Variants in ENPP6 observed in about 807,000 individuals in gnomAD.
ENPP6 encodes the protein glycerophosphocholine cholinephosphodiesterase ENPP6.
ENPP6 carries 32 observed loss-of-function variants against 42.0 expected under a neutral mutation model. That is an observed-to-expected ratio of 0.76 (90% CI 0.58 to 1.02). ENPP6 has a LOEUF of 1.02. Ranked by LOEUF, ENPP6 falls within the 50% of genes least tolerant of loss-of-function variation. ENPP6 has a pLI of 0.00. For missense variants in ENPP6, 552 were observed against 566.8 expected, an observed-to-expected ratio of 0.97 and a Z score of 0.27; for synonymous variants, 213 against 216.0, an observed-to-expected ratio of 0.99 and a Z score of 0.12.
chr4:184,100,403 T>C (rs1190695475), intron 6 of ENPP6, among the ~76,000 whole-genome samples: 6 of 152,238 alleles, frequency 3.9e-5, no homozygotes, highest in Admixed American at 2.6e-4. Flanking sequence ...TGTCCATCTG[T>C]GGATCCGCAA....
At chr4:184,152,177 C>T (rs761299720) in intron 2 of ENPP6, among the ~76,000 whole-genome samples, 11 of 152,164 alleles carry the variant, frequency 7.2e-5, no homozygotes, top group Admixed American at 2.6e-4. Context: ...GTACGGTGCG[C>T]GCCACGCCGC....
intron 1 of ENPP6, among the ~76,000 whole-genome samples, chr4:184,200,844 G>T (rs945442387): frequency 1.3e-5 from 2 of 152,226 alleles, no homozygotes; most frequent in African/African-American, 4.8e-5. Flanking sequence ...AGCCTGGGTT[G>T]TTCTGCTGCA....
intron 5 of ENPP6, among the ~76,000 whole-genome samples, chr4:184,114,376 A>C (rs973293695): frequency 1.3e-5 from 2 of 152,366 alleles, no homozygotes; most frequent in Non-Finnish European, 2.9e-5. Context: ...ATTTCTGGGC[A>C]TCACTGAATA....
rs1413473383 is a variant in ENPP6, at chr4:184,093,976, A to C, written c.1118-2594T>G. Among the ~76,000 whole-genome samples the C allele has an allele frequency of 2.0e-5, 3 of 152,214 alleles. No individual in the cohort carries two copies. In the East Asian group the frequency reaches 5.8e-4, roughly 30 times the overall value. ...ACCAGAGTAAGCCCAGGTGTCCCACAGGCTTTCAAATATCCATTTGTGGCT... is the reference window on the plus strand; with the variant it reads ...ACCAGAGTAAGCCCAGGTGTCCCACCGGCTTTCAAATATCCATTTGTGGCT... On this transcript the variant is annotated intron_variant, in intron 7 of 7. Coordinates refer to ENST00000296741, the MANE Select transcript of ENPP6 (RefSeq NM_153343.4).
At chr4:184,207,545 G>T (rs192497517) in intron 1 of ENPP6, among the ~76,000 whole-genome samples, 2 of 152,114 alleles carry the variant, frequency 1.3e-5, no homozygotes, top group Non-Finnish European at 2.9e-5. Flanking sequence ...CATTTAAACT[G>T]TGGTTGTGTT....
At chr4:184,215,349 A>C (rs1733180168) in intron 1 of ENPP6, among the ~76,000 whole-genome samples, 1 of 152,236 alleles carries the variant, frequency 6.6e-6, no homozygotes, top group African/African-American at 2.4e-5. Flanking sequence ...TCAAATGCTC[A>C]AACCATATGT....
chr4:184,215,640 A>G (rs1299023350), intron 1 of ENPP6, among the ~76,000 whole-genome samples: 1 of 152,194 alleles, frequency 6.6e-6, no homozygotes, highest in African/African-American at 2.4e-5. Context: ...TCCCTTGTGC[A>G]GGGTAGCTTC....
At chr4:184,136,221 A>G (rs1275086867) in intron 2 of ENPP6, among the ~76,000 whole-genome samples, 1 of 151,330 alleles carries the variant, frequency 6.6e-6, no homozygotes, top group Non-Finnish European at 1.5e-5. Flanking sequence ...TTATATAAAT[A>G]TAAAATTTAT....
chr4:184,142,446 G>A (rs1179014733), intron 2 of ENPP6, among the ~76,000 whole-genome samples: 1 of 152,228 alleles, frequency 6.6e-6, no homozygotes, highest in Non-Finnish European at 1.5e-5. Context: ...AGTCCTTGGG[G>A]GAAAGCATGG....
At chr4:184,116,761 A>C (rs1202016961) in intron 5 of ENPP6, 95 bp downstream of exon 5, 4 of 1,505,218 alleles carry the variant, frequency 2.7e-6, no homozygotes, top group East Asian at 2.3e-5. Flanking sequence ...CACACACACA[A>C]AACAAAACAA....
chr4:184,163,957 C>T (rs1737307458), intron 1 of ENPP6, among the ~76,000 whole-genome samples: 1 of 152,216 alleles, frequency 6.6e-6, no homozygotes, highest in African/African-American at 2.4e-5. Context: ...AGGCAGCATT[C>T]AATGGAGCGC....
intron 3 of ENPP6, among the ~76,000 whole-genome samples, chr4:184,118,841 T>C (rs1736367967): frequency 6.6e-6 from 1 of 152,136 alleles, no homozygotes; most frequent in Non-Finnish European, 1.5e-5. Flanking sequence ...CCAGGAACCA[T>C]TCTAGAAGGA....
At chr4:184,111,065 A>G (rs1736188998) in intron 6 of ENPP6, among the ~76,000 whole-genome samples, 1 of 152,140 alleles carries the variant, frequency 6.6e-6, no homozygotes, top group Non-Finnish European at 1.5e-5. Flanking sequence ...CTCATTAGTC[A>G]TCCAGCATCT....
intron 2 of ENPP6, among the ~76,000 whole-genome samples, chr4:184,143,533 C>G (rs548139959): frequency 5.3e-5 from 8 of 152,230 alleles, no homozygotes; most frequent in Non-Finnish European, 1.2e-4. Context: ...AGACATGACA[C>G]GATCAGGCTC....
At position 184,217,643 on chromosome 4, in the gene ENPP6, T is replaced by G. The variant is rs749406192; in HGVS notation, c.177A>C (p.Lys59Asn). 1 of 1,614,114 alleles carries G rather than the reference T, an allele frequency of 6.2e-7. No homozygotes were observed. Among genetic ancestry groups the G allele is most frequent in the African/African-American group, 1.3e-5 (1 of 74,936 alleles). ...GFKEIVSRGV[K>N]VDYLTPDFPS... is the part of the protein sequence containing the mutation. ...GGAAGTCTGGAGTCAAGTAATCCAC[T>G]TTTACTCCCCTGCTCACAATCTCTT... is the stretch of plus-strand genomic sequence containing the variant. Residue 59 changes from lysine (K) to asparagine (N), a missense_variant, in exon 1 of 8, where the codon AAA becomes AAC. This residue lies in a region of ENPP6 where 545 missense variants were observed against 546.3 expected (regional missense o/e 1.00). Coordinates refer to ENST00000296741, the MANE Select transcript of ENPP6 (RefSeq NM_153343.4).
chr4:184,128,323 G>A (rs910596560), intron 2 of ENPP6, among the ~76,000 whole-genome samples: 2 of 152,106 alleles, frequency 1.3e-5, no homozygotes, highest in African/African-American at 2.4e-5. Flanking sequence ...TGGGATTACA[G>A]GCATATGCCA....
chr4:184,099,536 G>T (rs1267894287), intron 6 of ENPP6, among the ~76,000 whole-genome samples: 1 of 152,214 alleles, frequency 6.6e-6, no homozygotes, highest in Non-Finnish European at 1.5e-5. Flanking sequence ...GGGGCCAGGT[G>T]CCCGGGCAGT....
At chr4:184,215,246 A>G (rs1352750867) in intron 1 of ENPP6, among the ~76,000 whole-genome samples, 1 of 152,236 alleles carries the variant, frequency 6.6e-6, no homozygotes, top group Non-Finnish European at 1.5e-5. Context: ...GTGAGAGCTT[A>G]GCCTCTCTTG....
rs1190088208 is a variant in ENPP6, at chr4:184,208,398, G to A, written c.241+9181C>T. On this transcript the variant is annotated intron_variant, in intron 1 of 7. Transcript: ENST00000296741. ...TGGGTGCGCGCACCCTGCGCGAGCC[G>A]AAGCGGGGCGAGGCATTGCCTCACT... Among the ~76,000 whole-genome samples, 8 of 152,320 alleles carry A rather than the reference G, an allele frequency of 5.3e-5. No homozygotes were observed. In the South Asian group the frequency reaches 1.2e-3, roughly 24 times the overall value.
Sources: allele counts gnomAD v4.1 joint callset (sites outside exome capture counted in the v4.1 genomes callset), GRCh38; gene constraint gnomAD v4.1.1; regional missense constraint gnomAD v4.1.1; transcripts MANE v1.5; gene names NCBI Gene and HGNC (gene_info 2026-07-23, HGNC 2026-07-21).